DHRSX: variants seen among roughly 807,000 people sequenced by gnomAD.
DHRSX encodes dehydrogenase/reductase X-linked, also known as polyprenol dehydrogenase.
Under a neutral mutation model 34.0 loss-of-function variants are expected in DHRSX, and 31 were observed. That is an observed-to-expected ratio of 0.91 (90% confidence interval 0.69 to 1.23). DHRSX has a LOEUF of 1.23. Among genes scored for constraint, DHRSX ranks in the 50% most tolerant of loss-of-function variants. The probability of loss-of-function intolerance (pLI) is 0.00; values close to 1 mark genes in which losing one functional copy is unlikely to be tolerated. For missense variants in DHRSX, 414 were observed against 428.1 expected (o/e 0.97, Z 0.29); for synonymous variants, 201 against 183.8 (o/e 1.09, Z -0.76).
In DHRSX at chrX:2,286,469, C is replaced by T. The variant is rs182953369; in HGVS notation, c.388+5033G>A. 4.6e-5 allele frequency among the ~76,000 whole-genome samples: 7 copies of T among 152,328 alleles called. No homozygotes were observed. The East Asian group carries it at 1.3e-3, about 29-fold the overall frequency. On this transcript the variant is annotated intron_variant, in intron 4 of 6. Coordinates refer to ENST00000334651, the MANE Select transcript of DHRSX (RefSeq NM_145177.3). ...AGGAGCACTTATCCCTGCAGCTTTCCATCCACCCTGGGTACCTCGGGAGGC... is the reference window on the plus strand; with the variant it reads ...AGGAGCACTTATCCCTGCAGCTTTCTATCCACCCTGGGTACCTCGGGAGGC...
At chrX:2,465,809 C>CAAAAAAAAAA (rs375728172) in intron 1 of DHRSX, among the ~76,000 whole-genome samples, 100 of 84,674 alleles carry the variant, frequency 1.2e-3, no homozygotes, top group African/African-American at 3.6e-3. Flanking sequence ...AACTCCATCG[C>CAAAAAAAAAA]AAAAAAAAAA....
At chrX:2,441,583 T>A (rs2044063037) in intron 1 of DHRSX, among the ~76,000 whole-genome samples, 1 of 152,152 alleles carries the variant, frequency 6.6e-6, no homozygotes, top group Admixed American at 6.6e-5. Context: ...AGACATGATG[T>A]CGCAGCTCAA....
intron 3 of DHRSX, among the ~76,000 whole-genome samples, chrX:2,322,257 A>G (rs1273490441): frequency 6.6e-5 from 10 of 152,042 alleles, no homozygotes; most frequent in Non-Finnish European, 1.5e-4. Context: ...CACTTAGAAT[A>G]AAAGTTCCTT....
chrX:2,459,002 G>A (rs1476370171), intron 1 of DHRSX, among the ~76,000 whole-genome samples: 1 of 151,998 alleles, frequency 6.6e-6, no homozygotes, highest in African/African-American at 2.4e-5. Flanking sequence ...AACCAGGTGT[G>A]GTGGTGTGCA....
intron 3 of DHRSX, among the ~76,000 whole-genome samples, chrX:2,305,713 C>T (rs1055846471): frequency 4.0e-4 from 61 of 151,786 alleles, no homozygotes; most frequent in African/African-American, 1.4e-3. Context: ...ATCTGGAAAC[C>T]ATCATTCTCA....
chrX:2,304,030 T>C (rs968607423), intron 3 of DHRSX, among the ~76,000 whole-genome samples: 1 of 106,306 alleles, frequency 9.4e-6, no homozygotes, highest in Admixed American at 9.8e-5. Flanking sequence ...AACTGATGGA[T>C]GGATGGATGG....
intron 4 of DHRSX, among the ~76,000 whole-genome samples, chrX:2,269,328 T>C (rs1304618401): frequency 6.6e-6 from 1 of 152,230 alleles, no homozygotes; most frequent in African/African-American, 2.4e-5. Context: ...TATACATGCA[T>C]CTGCAAGTGC....
chrX:2,262,151 G>A (rs1470918760), intron 5 of DHRSX, among the ~76,000 whole-genome samples: 1 of 152,214 alleles, frequency 6.6e-6, no homozygotes, highest in Non-Finnish European at 1.5e-5. Flanking sequence ...AGCCAGTCAT[G>A]GCAGGGCTGT....
intron 1 of DHRSX, chrX:2,489,271 G>A (rs757340445): frequency 1.2e-6 from 2 of 1,613,974 alleles, no homozygotes; most frequent in South Asian, 1.1e-5. Context: ...CGGAGAGGAA[G>A]GGCAGCCTCT....
chrX:2,272,261 G>C (rs1362378282), intron 4 of DHRSX, among the ~76,000 whole-genome samples: 1 of 152,086 alleles, frequency 6.6e-6, no homozygotes, highest in East Asian at 1.9e-4. Context: ...TATTTTATTT[G>C]ATGTGAAGAA....
At chrX:2,260,964 C>A (rs181355377) in intron 5 of DHRSX, among the ~76,000 whole-genome samples, 342 of 152,076 alleles carry the variant, frequency 2.2e-3, no homozygotes, top group Non-Finnish European at 4.0e-3. Context: ...AATCCCAGCA[C>A]TTTGTGAGGT....
intron 3 of DHRSX, among the ~76,000 whole-genome samples, chrX:2,293,875 A>AT (rs1459596664): frequency 6.6e-6 from 1 of 152,150 alleles, no homozygotes; most frequent in Non-Finnish European, 1.5e-5. Flanking sequence ...GTAAAATGCC[A>AT]GCAATCAATT....
At chrX:2,348,701 T>A (rs927827200) in intron 3 of DHRSX, among the ~76,000 whole-genome samples, 9 of 151,990 alleles carry the variant, frequency 5.9e-5, no homozygotes, top group African/African-American at 2.2e-4. Context: ...TATTTTTTTT[T>A]TTTTTATTTT....
At chrX:2,352,846 T>A (rs762835550) in intron 3 of DHRSX, among the ~76,000 whole-genome samples, 1 of 152,306 alleles carries the variant, frequency 6.6e-6, no homozygotes, top group African/African-American at 2.4e-5. Flanking sequence ...GCACGGGCAT[T>A]GAGAACAGCA....
At chrX:2,391,788 G>A (rs1255693155) in intron 3 of DHRSX, among the ~76,000 whole-genome samples, 1 of 152,098 alleles carries the variant, frequency 6.6e-6, no homozygotes, top group African/African-American at 2.4e-5. Context: ...TTAGCTGGGT[G>A]TGGTGGGACA....
chrX:2,284,050 CTT>C (rs2041771488), intron 4 of DHRSX, among the ~76,000 whole-genome samples: 1 of 151,526 alleles, frequency 6.6e-6, no homozygotes, highest in Non-Finnish European at 1.5e-5. Flanking sequence ...TCATTCGTTC[CTT>C]TGACTTCATT....
intron 3 of DHRSX, among the ~76,000 whole-genome samples, chrX:2,392,726 G>A (rs1011784105): frequency 2.9e-5 from 4 of 137,800 alleles, no homozygotes; most frequent in East Asian, 4.0e-4. Context: ...TTATAAATTC[G>A]TGTTTATTAT....
intron 1 of DHRSX, among the ~76,000 whole-genome samples, chrX:2,485,690 C>T (rs762890563): frequency 2.1e-5 from 1 of 48,154 alleles, no homozygotes; most frequent in South Asian, 1.1e-3. Flanking sequence ...GAAAGGGAGG[C>T]AGAGAGGGAG....
chrX:2,494,546 C>T (rs1482613555), intron 1 of DHRSX, among the ~76,000 whole-genome samples: 2 of 151,742 alleles, frequency 1.3e-5, no homozygotes, highest in East Asian at 1.9e-4. Context: ...AGTCCGGGTA[C>T]CTGGAACAAA....
Sources: allele counts gnomAD v4.1 joint callset (sites outside exome capture counted in the v4.1 genomes callset), GRCh38; gene constraint gnomAD v4.1.1; transcripts MANE v1.5; gene names NCBI Gene and HGNC (gene_info 2026-07-23, HGNC 2026-07-21).